The following MIGA1 variants were observed in gnomAD, a reference collection of about 807,000 sequenced individuals.
MIGA1 encodes the protein mitoguardin 1.
In MIGA1, 58 loss-of-function variants were observed where a neutral mutation model predicts 82.0. The ratio of observed to expected loss-of-function variants is 0.71; its 90% confidence interval spans 0.57 to 0.88. MIGA1 has a LOEUF of 0.88. Ranked by LOEUF, MIGA1 falls within the 40% of genes least tolerant of loss-of-function variation. The probability of loss-of-function intolerance (pLI) is 0.00; values close to 1 mark genes in which losing one functional copy is unlikely to be tolerated. For synonymous variants in MIGA1, 249 were observed against 253.6 expected (o/e 0.98, Z 0.17); for missense variants, 751 against 749.1 (o/e 1.00, Z -0.03).
chr1:77,798,461 CAA>C (rs976712279), intron 2 of MIGA1, among the ~76,000 whole-genome samples: 10 of 152,172 alleles, frequency 6.6e-5, no homozygotes, highest in Non-Finnish European at 1.0e-4. Flanking sequence ...TGGCGGCAGA[CAA>C]GAGAGAAGTG....
At chr1:77,832,385 C>T (rs1684274474) in intron 7 of MIGA1, among the ~76,000 whole-genome samples, 1 of 152,190 alleles carries the variant, frequency 6.6e-6, no homozygotes, top group South Asian at 2.1e-4. Context: ...AAGATTTCAT[C>T]TCTGCCTTTA....
chr1:77,856,934 C>T (rs1685282582), intron 8 of MIGA1, among the ~76,000 whole-genome samples: 1 of 151,310 alleles, frequency 6.6e-6, no homozygotes, highest in Non-Finnish European at 1.5e-5. Flanking sequence ...TTGGTTTATT[C>T]TTGTTTGTCT....
At position 77,879,392 on chromosome 1, in the gene MIGA1, T is replaced by G. The variant is rs1429601685; in HGVS notation, c.*4328T>G. Reference sequence around the variant, plus strand: ...TACTTAGCTGATGTCAGTAAATGTTTCTGTCTCCTAAATGTAAGGACTGTA... The same window carrying G: ...TACTTAGCTGATGTCAGTAAATGTTGCTGTCTCCTAAATGTAAGGACTGTA... On this transcript the variant is annotated 3_prime_UTR_variant, in exon 16 of 16. Transcript: ENST00000370791. The G allele has an allele frequency of 6.6e-6, 1 of 152,198 alleles. No homozygotes were observed. The highest frequency in any genetic ancestry group is 2.4e-5 in the African/African-American group (1 of 41,454). 9.4% of individuals were successfully genotyped at this position (152,198 alleles called of 1,614,324 possible). A position where few individuals can be genotyped will look rare whatever the true frequency, so the allele number is the denominator to read the frequency against.
intron 7 of MIGA1, among the ~76,000 whole-genome samples, chr1:77,837,616 AAAAT>A (rs1684479855): frequency 6.6e-6 from 1 of 152,214 alleles, no homozygotes; most frequent in South Asian, 2.1e-4. Flanking sequence ...TACTGAGTGA[AAAAT>A]AAATGTTTAT....
intron 7 of MIGA1, among the ~76,000 whole-genome samples, chr1:77,836,841 T>C (rs1684442361): frequency 1.3e-5 from 2 of 152,078 alleles, no homozygotes; most frequent in Non-Finnish European, 2.9e-5. Context: ...GAACATTGGA[T>C]AGGTAGGATA....
intron 8 of MIGA1, among the ~76,000 whole-genome samples, chr1:77,851,448 C>G (rs74092311): frequency 6.6e-6 from 1 of 152,100 alleles, no homozygotes; most frequent in African/African-American, 2.4e-5. Context: ...GAAATAACTT[C>G]TCAGCTCTAT....
chr1:77,809,078 C>T (rs1683213287), intron 5 of MIGA1, among the ~76,000 whole-genome samples: 1 of 152,048 alleles, frequency 6.6e-6, no homozygotes, highest in Non-Finnish European at 1.5e-5. Flanking sequence ...CACTGCACTA[C>T]AGCCTGGGTG....
chr1:77,793,103 T>G (rs1053260618), intron 2 of MIGA1, among the ~76,000 whole-genome samples: 1 of 151,782 alleles, frequency 6.6e-6, no homozygotes, highest in Non-Finnish European at 1.5e-5. Context: ...TTTTTTTTGT[T>G]TGTATGTTTT....
intron 8 of MIGA1, among the ~76,000 whole-genome samples, chr1:77,856,962 C>T (rs1223057947): frequency 1.3e-5 from 2 of 151,880 alleles, no homozygotes; most frequent in African/African-American, 4.8e-5. Context: ...TGAGGTATGA[C>T]GTTAGATTGT....
At position 77,878,494 on chromosome 1, in the gene MIGA1, G is replaced by A. The variant is rs1646911893; in HGVS notation, c.*3430G>A. 1 of 167,946 alleles carries A rather than the reference G, an allele frequency of 6.0e-6. No homozygotes were observed. The highest frequency in any genetic ancestry group is 1.2e-5 in the Non-Finnish European group (1 of 82,036). The allele number at this position is 167,946 out of a possible 1,614,324, so 10.4% of individuals were successfully genotyped here. A position where few individuals can be genotyped will look rare whatever the true frequency, so the allele number is the denominator to read the frequency against. ...AAAGCAATGTCTTTAAAAATGATTA[G>A]TTTAGAGCCTTTTAGGGTAAACCCT... On this transcript the variant is annotated 3_prime_UTR_variant, in exon 16 of 16. Coordinates refer to ENST00000370791, the MANE Select transcript of MIGA1 (RefSeq NM_198549.4).
intron 7 of MIGA1, among the ~76,000 whole-genome samples, chr1:77,817,448 C>G (rs540652961): frequency 1.3e-5 from 2 of 152,342 alleles, no homozygotes; most frequent in East Asian, 3.9e-4. Flanking sequence ...CCTGACCCCA[C>G]TCATGTTTTA....
chr1:77,797,830 TA>T (rs2101736552), intron 2 of MIGA1, among the ~76,000 whole-genome samples: 1 of 152,356 alleles, frequency 6.6e-6, no homozygotes, highest in Admixed American at 6.5e-5. Flanking sequence ...GAAACTTACC[TA>T]CTAGTTATAG....
At chr1:77,833,861 G>A (rs1304567921) in intron 7 of MIGA1, among the ~76,000 whole-genome samples, 1 of 152,190 alleles carries the variant, frequency 6.6e-6, no homozygotes, top group Non-Finnish European at 1.5e-5. Flanking sequence ...TGTAGAAAAT[G>A]CTGTTACTCT....
chr1:77,804,430 A>G (rs1402597055), intron 4 of MIGA1, among the ~76,000 whole-genome samples: 2 of 152,198 alleles, frequency 1.3e-5, no homozygotes, highest in Non-Finnish European at 2.9e-5. Context: ...AGAATATACA[A>G]TGAGAGCTGG....
intron 1 of MIGA1, chr1:77,782,922 T>TGGCCGGGCGCGG: frequency 2.1e-6 from 2 of 937,392 alleles, no homozygotes; most frequent in Non-Finnish European, 2.5e-6. Context: ...TGTTAAATTT[T>TGGCCGGGCGCGG]TATGTAACCA....
chr1:77,834,852 C>T (rs1317871485), intron 7 of MIGA1, among the ~76,000 whole-genome samples: 1 of 152,188 alleles, frequency 6.6e-6, no homozygotes, highest in Admixed American at 6.5e-5. Flanking sequence ...GGACAAGGTT[C>T]CAAGTCATAT....
At chr1:77,870,036 G>A (rs1452588909) in intron 14 of MIGA1, among the ~76,000 whole-genome samples, 3 of 125,746 alleles carry the variant, frequency 2.4e-5, no homozygotes, top group African/African-American at 6.0e-5. Context: ...CAGTAGGGGC[G>A]GCCGGGCAGA....
chr1:77,811,041 C>T, intron 5 of MIGA1: 3 of 1,613,362 alleles, frequency 1.9e-6, no homozygotes, highest in Non-Finnish European at 2.5e-6. Flanking sequence ...TTTTTTTAGG[C>T]TTGTAGGGTT....
chr1:77,856,192 C>T (rs1685248877), intron 8 of MIGA1, among the ~76,000 whole-genome samples: 1 of 152,192 alleles, frequency 6.6e-6, no homozygotes, highest in Non-Finnish European at 1.5e-5. Context: ...TGGTGTGTCA[C>T]ATTCATTGAC....
Sources: allele counts gnomAD v4.1 joint callset (sites outside exome capture counted in the v4.1 genomes callset), GRCh38; gene constraint gnomAD v4.1.1; transcripts MANE v1.5; gene names NCBI Gene and HGNC (gene_info 2026-07-23, HGNC 2026-07-21).